Variants in KIAA1549L observed in about 807,000 individuals in gnomAD.
KIAA1549L encodes the protein UPF0606 protein KIAA1549L.
In KIAA1549L, 88 loss-of-function variants were observed where a neutral mutation model predicts 160.7. The observed-to-expected ratio is 0.55, with a 90% confidence interval of 0.46 to 0.65. KIAA1549L has a LOEUF of 0.65. Among genes scored for constraint, KIAA1549L ranks in the 30% least tolerant of loss-of-function variants. The pLI is 0.00. For missense variants in KIAA1549L, 2,258 were observed against 2,437.5 expected (o/e 0.93, Z 1.55); for synonymous variants, 950 against 976.7 (o/e 0.97, Z 0.51).
At chr11:33,549,376 A>G (rs1258973089) in intron 4 of KIAA1549L, among the ~76,000 whole-genome samples, 5 of 152,224 alleles carry the variant, frequency 3.3e-5, no homozygotes, top group African/African-American at 1.2e-4. Context: ...GTTTATTTAA[A>G]AAAGGAATTA....
In KIAA1549L at chr11:33,491,339, A is replaced by G. The variant is rs1013681564; in HGVS notation, c.239-50463A>G. 3.7e-4 allele frequency among the ~76,000 whole-genome samples: 56 copies of G among 152,186 alleles called. 1 individual carries two copies. The highest frequency in any genetic ancestry group is 5.0e-4 in the Non-Finnish European group (34 of 68,038). On this transcript the variant is annotated intron_variant, in intron 1 of 20. Coordinates refer to ENST00000658780, the MANE Select transcript of KIAA1549L (RefSeq NM_012194.3). ...GGTACTACACGGTTCACATGGCACT[A>G]CAGTATGATGCAAGACCAAAGAATA...
At chr11:33,662,883 G>C (rs74466010) in intron 20 of KIAA1549L, among the ~76,000 whole-genome samples, 1 of 152,158 alleles carries the variant, frequency 6.6e-6, no homozygotes, top group African/African-American at 2.4e-5. Context: ...CATGATGACT[G>C]TACTGGACCC....
At chr11:33,413,152 G>T (rs571424155) in intron 1 of KIAA1549L, among the ~76,000 whole-genome samples, 1 of 152,232 alleles carries the variant, frequency 6.6e-6, no homozygotes, top group African/African-American at 2.4e-5. Context: ...TGCTTCCTGA[G>T]ATAAACCATT....
chr11:33,396,681 A>C (rs1243209553), intron 1 of KIAA1549L, among the ~76,000 whole-genome samples: 1 of 152,162 alleles, frequency 6.6e-6, no homozygotes. Context: ...GCTTCCAAAA[A>C]AATGGCTGGT....
chr11:33,392,674 T>C (rs930683188), intron 1 of KIAA1549L, among the ~76,000 whole-genome samples: 1 of 152,216 alleles, frequency 6.6e-6, no homozygotes, highest in African/African-American at 2.4e-5. Flanking sequence ...GGTTTGATTT[T>C]GTTTTTCACC....
chr11:33,458,732 C>T (rs190495051), intron 1 of KIAA1549L, among the ~76,000 whole-genome samples: 4 of 152,200 alleles, frequency 2.6e-5, no homozygotes, highest in Non-Finnish European at 5.9e-5. Context: ...GGGCAAGTGG[C>T]CCCTACCCAG....
chr11:33,619,299 G>C (rs1850900614), intron 16 of KIAA1549L, among the ~76,000 whole-genome samples: 2 of 152,116 alleles, frequency 1.3e-5, no homozygotes, highest in Non-Finnish European at 2.9e-5. Context: ...TGTGCTGAGA[G>C]GTACAGTAAT....
intron 1 of KIAA1549L, among the ~76,000 whole-genome samples, chr11:33,532,063 C>T (rs1361144040): frequency 6.6e-6 from 1 of 152,146 alleles, no homozygotes; most frequent in Non-Finnish European, 1.5e-5. Context: ...CAGAGAGCCT[C>T]GGCTCTGGAG....
chr11:33,505,235 A>G (rs1230773138), intron 1 of KIAA1549L, among the ~76,000 whole-genome samples: 1 of 152,226 alleles, frequency 6.6e-6, no homozygotes, highest in Non-Finnish European at 1.5e-5. Context: ...CCAAAGAGCT[A>G]AACAACCCAG....
At chr11:33,545,693 A>G (rs552738513) in intron 3 of KIAA1549L, among the ~76,000 whole-genome samples, 2 of 152,328 alleles carry the variant, frequency 1.3e-5, no homozygotes, top group East Asian at 1.9e-4. Context: ...AGCAAGTGTT[A>G]GAGGAGAGAG....
intron 1 of KIAA1549L, among the ~76,000 whole-genome samples, chr11:33,486,450 T>C (rs1367160050): frequency 6.6e-6 from 1 of 152,232 alleles, no homozygotes. Context: ...TTTTTTATTT[T>C]GGCAAATTTT....
At chr11:33,454,735 C>G (rs902190167) in intron 1 of KIAA1549L, among the ~76,000 whole-genome samples, 14 of 152,122 alleles carry the variant, frequency 9.2e-5, no homozygotes, top group African/African-American at 3.4e-4. Context: ...GAAGAGATGT[C>G]TTTTGAAAAC....
intron 1 of KIAA1549L, among the ~76,000 whole-genome samples, chr11:33,525,080 C>T (rs1273910970): frequency 1.3e-5 from 2 of 152,152 alleles, no homozygotes; most frequent in East Asian, 1.9e-4. Flanking sequence ...CTAACATGCA[C>T]CTCCCACGTG....
chr11:33,436,065 C>T (rs1261012020), intron 1 of KIAA1549L, among the ~76,000 whole-genome samples: 1 of 150,444 alleles, frequency 6.6e-6, no homozygotes, highest in Non-Finnish European at 1.5e-5. Flanking sequence ...TATAAGCGAT[C>T]TGGAGATGAT....
intron 16 of KIAA1549L, among the ~76,000 whole-genome samples, chr11:33,634,989 A>G (rs1434985932): frequency 6.6e-6 from 1 of 152,170 alleles, no homozygotes; most frequent in Non-Finnish European, 1.5e-5. Context: ...AAAAGTGACC[A>G]AGCCATTATT....
chr11:33,550,127 T>C (rs1489621130), intron 4 of KIAA1549L, among the ~76,000 whole-genome samples: 1 of 151,226 alleles, frequency 6.6e-6, no homozygotes, highest in East Asian at 1.9e-4. Flanking sequence ...GTAATAGCTG[T>C]ACACCATTAT....
At chr11:33,491,232 C>T (rs1206279291) in intron 1 of KIAA1549L, among the ~76,000 whole-genome samples, 1 of 152,184 alleles carries the variant, frequency 6.6e-6, no homozygotes, top group Non-Finnish European at 1.5e-5. Flanking sequence ...CTTGAGGAAC[C>T]ATCAAGGGCA....
intron 1 of KIAA1549L, among the ~76,000 whole-genome samples, chr11:33,498,402 A>T (rs1183562504): frequency 6.6e-6 from 1 of 152,134 alleles, no homozygotes; most frequent in African/African-American, 2.4e-5. Flanking sequence ...AGGCCCCTTT[A>T]TGCCCTTTTG....
chr11:33,435,044 T>G (rs1851326048), intron 1 of KIAA1549L, among the ~76,000 whole-genome samples: 2 of 152,230 alleles, frequency 1.3e-5, no homozygotes. Context: ...AAAATGTAGC[T>G]TGATCATTTT....
Sources: gnomAD v4.1 joint callset for allele counts (sites outside exome capture counted in the v4.1 genomes callset) on GRCh38, gnomAD v4.1.1 for gene constraint, MANE v1.5 for transcripts, NCBI Gene and HGNC (gene_info 2026-07-23, HGNC 2026-07-21) for gene names.